PCDH9: variants seen among roughly 807,000 people sequenced by gnomAD.
PCDH9 encodes the protein protocadherin-9.
PCDH9 carries 24 observed loss-of-function variants against 70.6 expected under a neutral mutation model. That is an observed-to-expected ratio of 0.34 (90% CI 0.25 to 0.48). The LOEUF (loss-of-function observed/expected upper bound fraction) is 0.48, where lower values mean the gene tolerates loss of function less well. PCDH9 is among the 20% of genes least tolerant of loss of function. The pLI, the probability that PCDH9 is intolerant of heterozygous loss-of-function variation, is 0.99. For missense variants in PCDH9, 1,281 were observed against 1,503.6 expected, an observed-to-expected ratio of 0.85 and a Z score of 2.45; for synonymous variants, 562 against 558.5, an observed-to-expected ratio of 1.01 and a Z score of -0.09.
At chr13:67,070,209 C>T (rs555532697) in intron 2 of PCDH9, among the ~76,000 whole-genome samples, 3 of 151,592 alleles carry the variant, frequency 2.0e-5, no homozygotes, top group Non-Finnish European at 4.4e-5. Context: ...GATTTACCTC[C>T]TCAATTGTGT....
At chr13:66,573,733 G>GT (rs937314923) in intron 4 of PCDH9, among the ~76,000 whole-genome samples, 2 of 138,926 alleles carry the variant, frequency 1.4e-5, no homozygotes, top group Admixed American at 7.0e-5. Context: ...GAGCAGTTGG[G>GT]TTTTTTTGTT....
chr13:66,623,368 A>G (rs1377295999), intron 4 of PCDH9, among the ~76,000 whole-genome samples: 1 of 152,214 alleles, frequency 6.6e-6, no homozygotes, highest in African/African-American at 2.4e-5. Flanking sequence ...CTGAATAGCA[A>G]AAGCTGTGGA....
At chr13:66,831,923 T>C (rs2080933389) in intron 3 of PCDH9, among the ~76,000 whole-genome samples, 1 of 152,142 alleles carries the variant, frequency 6.6e-6, no homozygotes, top group Admixed American at 6.6e-5. Flanking sequence ...CCAAAATGTC[T>C]GCATAATTCC....
chr13:66,361,052 A>G (rs1014322540), intron 4 of PCDH9, among the ~76,000 whole-genome samples: 6 of 152,096 alleles, frequency 3.9e-5, no homozygotes, highest in African/African-American at 1.4e-4. Context: ...TGGATAGCTG[A>G]TGATGTAATC....
At chr13:66,768,276 T>C (rs2079751317) in intron 3 of PCDH9, among the ~76,000 whole-genome samples, 1 of 152,074 alleles carries the variant, frequency 6.6e-6, no homozygotes, top group African/African-American at 2.4e-5. Context: ...TTGAACTAAA[T>C]TTATAACTCA....
intron 3 of PCDH9, among the ~76,000 whole-genome samples, chr13:66,654,914 C>A (rs997384421): frequency 1.3e-5 from 2 of 151,596 alleles, no homozygotes; most frequent in African/African-American, 4.9e-5. Context: ...TTTGTAGAGA[C>A]GGGGTTTTGC....
At chr13:66,416,683 G>A (rs2138337320) in intron 4 of PCDH9, among the ~76,000 whole-genome samples, 1 of 152,254 alleles carries the variant, frequency 6.6e-6, no homozygotes, top group East Asian at 1.9e-4. Context: ...GACTTGACCT[G>A]GAGGTGGAGG....
At chr13:66,423,673 T>C (rs1444714168) in intron 4 of PCDH9, among the ~76,000 whole-genome samples, 1 of 152,132 alleles carries the variant, frequency 6.6e-6, no homozygotes, top group Non-Finnish European at 1.5e-5. Flanking sequence ...TGAGGGAACA[T>C]ATCTCAAAAC....
chr13:66,850,864 C>A (rs906304372), intron 3 of PCDH9, among the ~76,000 whole-genome samples: 2 of 152,174 alleles, frequency 1.3e-5, no homozygotes, highest in Non-Finnish European at 2.9e-5. Flanking sequence ...TTTCAGATAT[C>A]TTACATGGAG....
intron 4 of PCDH9, among the ~76,000 whole-genome samples, chr13:66,317,527 C>G (rs1955675720): frequency 6.6e-6 from 1 of 152,132 alleles, no homozygotes; most frequent in South Asian, 2.1e-4. Flanking sequence ...TCCCACCTAA[C>G]CATTTAATCA....
chr13:66,722,830 C>T (rs1176774980), intron 3 of PCDH9, among the ~76,000 whole-genome samples: 7 of 151,680 alleles, frequency 4.6e-5, no homozygotes, highest in Non-Finnish European at 1.0e-4. Context: ...TAGCCAGGCA[C>T]GGTGGCAGGT....
chr13:66,444,627 G>A (rs1417007846), intron 4 of PCDH9, among the ~76,000 whole-genome samples: 2 of 152,090 alleles, frequency 1.3e-5, no homozygotes, highest in African/African-American at 4.8e-5. Flanking sequence ...GTGGCACGAT[G>A]TCGGCTCATT....
chr13:66,871,838 T>C (rs994718922), intron 3 of PCDH9, among the ~76,000 whole-genome samples: 2 of 151,534 alleles, frequency 1.3e-5, no homozygotes, highest in African/African-American at 4.9e-5. Flanking sequence ...CACCCCCCCC[T>C]CAACATTTCT....
At chr13:66,588,533 T>C (rs1182555327) in intron 4 of PCDH9, among the ~76,000 whole-genome samples, 2 of 149,468 alleles carry the variant, frequency 1.3e-5, no homozygotes, top group Admixed American at 6.6e-5. Context: ...CACACACACA[T>C]ATATATGCAC....
At position 66,391,883 on chromosome 13, in the gene PCDH9, C is replaced by CATATATATATAT. The variant is rs140840857; in HGVS notation, c.3341-86867_3341-86856dup. Among the ~76,000 whole-genome samples, 623 of 143,226 alleles carry CATATATATATAT rather than the reference C, an allele frequency of 4.3e-3. 5 individuals carry two copies. The highest frequency in any genetic ancestry group is 0.013 in the African/African-American group (510 of 39,224). 94.0% of individuals were successfully genotyped at this position (143,226 alleles called of 152,430 possible). On this transcript the variant is annotated intron_variant, in intron 4 of 4. Transcript: ENST00000377865. ...TCTCTCTCTCTCTTTGCCATATATG[C>CATATATATATAT]ATATATATATATATATATATATGTT...
intron 2 of PCDH9, among the ~76,000 whole-genome samples, chr13:67,197,701 T>C (rs1220695055): frequency 6.6e-6 from 1 of 151,926 alleles, no homozygotes; most frequent in African/African-American, 2.4e-5. Flanking sequence ...TTAAATGAAA[T>C]ATTTAAAGCA....
At chr13:66,868,875 G>A (rs1045739674) in intron 3 of PCDH9, among the ~76,000 whole-genome samples, 5 of 152,020 alleles carry the variant, frequency 3.3e-5, no homozygotes, top group Non-Finnish European at 5.9e-5. Flanking sequence ...GTTTTAAAAC[G>A]TGAGAAAAAT....
intron 2 of PCDH9, among the ~76,000 whole-genome samples, chr13:67,182,689 T>A (rs2088649174): frequency 6.6e-6 from 1 of 152,146 alleles, no homozygotes; most frequent in African/African-American, 2.4e-5. Context: ...GACAGTAAAT[T>A]GTTACCACCC....
intron 4 of PCDH9, among the ~76,000 whole-genome samples, chr13:66,515,928 T>C (rs1038279653): frequency 6.6e-6 from 1 of 152,146 alleles, no homozygotes; most frequent in East Asian, 1.9e-4. Flanking sequence ...TGTGTTTTTA[T>C]ACAAAGGAGG....
Sources: allele counts gnomAD v4.1 joint callset (sites outside exome capture counted in the v4.1 genomes callset), GRCh38; gene constraint gnomAD v4.1.1; transcripts MANE v1.5; gene names NCBI Gene and HGNC (gene_info 2026-07-23, HGNC 2026-07-21).